The following ZNF157 variants were observed in gnomAD, a reference collection of about 807,000 sequenced individuals.
ZNF157 encodes the protein zinc finger protein 157.
Under a neutral mutation model 9.4 loss-of-function variants are expected in ZNF157, and 8 were observed. That is an observed-to-expected ratio of 0.85 (90% CI 0.50 to 1.53). The LOEUF (loss-of-function observed/expected upper bound fraction) is 1.53. ZNF157 is among the 40% of genes most tolerant of loss of function. The pLI, the probability that ZNF157 is intolerant of heterozygous loss-of-function variation, is 0.00. For missense variants in ZNF157, 316 were observed against 385.2 expected, an observed-to-expected ratio of 0.82 and a Z score of 1.50; for synonymous variants, 120 against 130.8, an observed-to-expected ratio of 0.92 and a Z score of 0.56.
intron 1 of ZNF157, among the ~76,000 whole-genome samples, chrX:47,401,688 C>G (rs2055930770): frequency 9.0e-6 from 1 of 111,718 alleles, no homozygotes; most frequent in African/African-American, 3.3e-5. Context: ...TATCAACCAC[C>G]TCTGTTGGTC....
chrX:47,403,570 A>G (rs1325021034), intron 1 of ZNF157, among the ~76,000 whole-genome samples: 2 of 110,749 alleles, frequency 1.8e-5, no homozygotes, highest in African/African-American at 6.6e-5. Flanking sequence ...CCTGGGCTCA[A>G]TTGATCTGCC....
chrX:47,410,811 A>G, intron 3 of ZNF157, 36 bp downstream of exon 3: 2 of 1,087,661 alleles, frequency 1.8e-6, no homozygotes, highest in Non-Finnish European at 2.5e-6. Flanking sequence ...TATGGAAAAT[A>G]GGGGAAATAA....
chrX:47,379,769 C>A (rs1158125795), intron 1 of ZNF157, among the ~76,000 whole-genome samples: 1 of 95,514 alleles, frequency 1.0e-5, no homozygotes, highest in Non-Finnish European at 2.0e-5. Context: ...GTTGTTCCAG[C>A]ACCATTTGTT....
intron 1 of ZNF157, among the ~76,000 whole-genome samples, chrX:47,404,868 A>G (rs1260102869): frequency 9.0e-6 from 1 of 110,602 alleles, no homozygotes; most frequent in Non-Finnish European, 1.9e-5. Context: ...ACACTCCTAT[A>G]AAGAACGACC....
In ZNF157 at chrX:47,412,542, A is replaced by G. The variant is rs747604288; in HGVS notation, c.469A>G (p.Arg157Gly). ...TGFVRRKRTP[R>G]GDKNFECHEC... The stretch of plus-strand genomic sequence containing the variant: ...CTTTGTTAGACGTAAAAGAACACCC[A>G]GAGGAGATAAAAACTTTGAATGTCA... Residue 157 changes from arginine to glycine, a missense_variant, in exon 4 of 4, where the codon AGA becomes GGA. Physicochemically the swap from Arg to Gly is moderately radical, Grantham distance 125. This residue lies in a region of ZNF157 where 146 missense variants were observed against 183.8 expected (regional missense o/e 0.79). Transcript: ENST00000377073. The G allele has an allele frequency of 8.2e-7, 1 of 1,212,221 alleles. No individual in the cohort carries two copies. Among genetic ancestry groups the G allele is most frequent in the South Asian group, 1.8e-5 (1 of 57,024 alleles).
chrX:47,411,259 G>T (rs1313543092), intron 3 of ZNF157, among the ~76,000 whole-genome samples: 1 of 111,257 alleles, frequency 9.0e-6, no homozygotes, highest in Non-Finnish European at 1.9e-5. Flanking sequence ...AAAGTGCTGG[G>T]ATTACAGGTG....
intron 1 of ZNF157, 150 bp downstream of exon 1, chrX:47,370,890 G>A: frequency 2.1e-6 from 1 of 475,110 alleles, no homozygotes; most frequent in Non-Finnish European, 3.3e-6. Flanking sequence ...GTAATACCCA[G>A]GATATTGACA....
intron 1 of ZNF157, among the ~76,000 whole-genome samples, chrX:47,407,726 A>T (rs1378798615): frequency 1.8e-5 from 2 of 109,429 alleles, no homozygotes; most frequent in African/African-American, 6.7e-5. Flanking sequence ...AGCTTGGCTC[A>T]CTGCAACCTC....
rs145333598 is a variant in ZNF157, at chrX:47,386,542, C to G, written c.72+15802C>G. Among the ~76,000 whole-genome samples the G allele has an allele frequency of 6.0e-3, 666 of 111,031 alleles. 1 individual carries two copies. Among genetic ancestry groups the G allele is most frequent in the Middle Eastern group, 0.014 (3 of 217 alleles). ...TGGTGCGATCTCGGCTTGCTGCAAC[C>G]TTTGCCTCCCAGGTTCAAGCAATTC... On this transcript the variant is annotated intron_variant, in intron 1 of 3. Coordinates refer to ENST00000377073, the MANE Select transcript of ZNF157 (RefSeq NM_003446.4).
At chrX:47,392,628 C>A (rs7055658) in intron 1 of ZNF157, among the ~76,000 whole-genome samples, 34,705 of 110,619 alleles carry the variant, frequency 0.31, 3,960 homozygotes, top group Middle Eastern at 0.51. Flanking sequence ...AAAATACATT[C>A]ATCCCATTCC....
At chrX:47,385,832 T>C (rs2055878074) in intron 1 of ZNF157, among the ~76,000 whole-genome samples, 1 of 110,704 alleles carries the variant, frequency 9.0e-6, no homozygotes, top group Admixed American at 9.8e-5. Context: ...CCTCCCAAAG[T>C]GCTGGGATTA....
intron 1 of ZNF157, among the ~76,000 whole-genome samples, chrX:47,408,694 G>A (rs1017215199): frequency 1.1e-4 from 12 of 112,134 alleles, no homozygotes; most frequent in African/African-American, 3.9e-4. Flanking sequence ...GGGATTACAG[G>A]CATGAGCCAC....
intron 1 of ZNF157, among the ~76,000 whole-genome samples, chrX:47,408,821 C>T (rs1247089680): frequency 2.7e-5 from 3 of 111,578 alleles, no homozygotes; most frequent in South Asian, 7.6e-4. Context: ...ATGACAGCAC[C>T]AAGGGAGGAT....
At chrX:47,385,248 T>C (rs1177470457) in intron 1 of ZNF157, among the ~76,000 whole-genome samples, 1 of 111,966 alleles carries the variant, frequency 8.9e-6, no homozygotes, top group Non-Finnish European at 1.9e-5. Context: ...AATTAAATAA[T>C]AGTATTTAAG....
At chrX:47,378,076 G>A (rs1375243519) in intron 1 of ZNF157, among the ~76,000 whole-genome samples, 2 of 111,160 alleles carry the variant, frequency 1.8e-5, no homozygotes, top group Non-Finnish European at 3.8e-5. Flanking sequence ...CGGGAGACTG[G>A]AATTTTTATT....
intron 1 of ZNF157, among the ~76,000 whole-genome samples, chrX:47,377,804 A>G (rs1485570748): frequency 9.4e-6 from 1 of 106,830 alleles, no homozygotes; most frequent in Non-Finnish European, 1.9e-5. Context: ...TTAATTTGCA[A>G]TTCTCTAGTG....
At position 47,395,282 on chromosome X, in the gene ZNF157, T is replaced by C. The variant is rs2055909951; in HGVS notation, c.73-14994T>C. Among the ~76,000 whole-genome samples, 8 of 112,230 alleles carry C rather than the reference T, an allele frequency of 7.1e-5. No individual in the cohort carries two copies. In the South Asian group the frequency reaches 2.9e-3, roughly 41 times the overall value. Reference sequence around the variant, plus strand: ...CCAGGCTGGTTTTGAACTCCTGAGCTCAAGCTATCCTTCTGCCTTGGCGTC... The same window carrying C: ...CCAGGCTGGTTTTGAACTCCTGAGCCCAAGCTATCCTTCTGCCTTGGCGTC... On this transcript the variant is annotated intron_variant, in intron 1 of 3. Coordinates refer to ENST00000377073, the MANE Select transcript of ZNF157 (RefSeq NM_003446.4).
At chrX:47,377,661 G>C (rs5952431) in intron 1 of ZNF157, among the ~76,000 whole-genome samples, 5 of 106,405 alleles carry the variant, frequency 4.7e-5, no homozygotes, top group African/African-American at 1.4e-4. Context: ...TGAACTCCTG[G>C]CCTCAAATGA....
intron 1 of ZNF157, among the ~76,000 whole-genome samples, chrX:47,376,284 A>T (rs1024321294): frequency 3.6e-5 from 4 of 112,427 alleles, no homozygotes; most frequent in African/African-American, 6.5e-5. Context: ...AACTAGGAGC[A>T]TAATTGCTAT....
Sources: allele counts gnomAD v4.1 joint callset (sites outside exome capture counted in the v4.1 genomes callset), GRCh38; gene constraint gnomAD v4.1.1; regional missense constraint gnomAD v4.1.1; transcripts MANE v1.5; gene names NCBI Gene and HGNC (gene_info 2026-07-23, HGNC 2026-07-21).